The following LCT variants were observed in gnomAD, a reference collection of about 807,000 sequenced individuals.
The protein encoded by LCT is lactase/phlorizin hydrolase.
A neutral mutation model predicts 173.0 loss-of-function variants in LCT; 90 were observed. The observed-to-expected ratio is 0.52, with a 90% CI of 0.44 to 0.62. The LOEUF (loss-of-function observed/expected upper bound fraction) is 0.62, where lower values mean the gene tolerates loss of function less well. Among genes scored for constraint, LCT ranks in the 20% least tolerant of loss-of-function variants. LCT has a pLI of 0.00. For missense variants in LCT, 1,864 were observed against 2,431.4 expected (o/e 0.77, Z 4.91); for synonymous variants, 853 against 957.6 (o/e 0.89, Z 2.02).
At chr2:135,794,516 C>T in intron 14 of LCT, 125 bp downstream of exon 14, 1 of 1,056,466 alleles carries the variant, frequency 9.5e-7, no homozygotes. Context: ...GAGCATCTTG[C>T]AAACCCCGGC....
intron 14 of LCT, among the ~76,000 whole-genome samples, chr2:135,791,379 G>T (rs2077532127): frequency 6.6e-6 from 1 of 152,216 alleles, no homozygotes; most frequent in East Asian, 1.9e-4. Flanking sequence ...CAGCAGACAG[G>T]CTGGCACCTC....
At chr2:135,805,804 G>A (rs941384445) in intron 9 of LCT, among the ~76,000 whole-genome samples, 9 of 152,132 alleles carry the variant, frequency 5.9e-5, no homozygotes, top group African/African-American at 1.4e-4. Context: ...CCATCATAAC[G>A]TTGTAGAGCA....
chr2:135,823,352 T>C (rs2077853386), intron 4 of LCT, among the ~76,000 whole-genome samples: 1 of 152,202 alleles, frequency 6.6e-6, no homozygotes. Flanking sequence ...AGCCTCCTGA[T>C]CCATGGCCAA....
chr2:135,792,929 C>T (rs2077544079), intron 14 of LCT, among the ~76,000 whole-genome samples: 1 of 152,212 alleles, frequency 6.6e-6, no homozygotes, highest in African/African-American at 2.4e-5. Context: ...TCTACTACCG[C>T]AGCTGGTGGC....
intron 6 of LCT, among the ~76,000 whole-genome samples, 198 bp from the exon 7 acceptor site, chr2:135,813,154 C>T (rs574882359): frequency 2.6e-5 from 4 of 152,280 alleles, no homozygotes; most frequent in African/African-American, 9.6e-5. Flanking sequence ...TTGACACTAA[C>T]ATCAATGATG....
rs1374814336 is a variant in LCT at position 135,798,143 on chromosome 2, G to A, written c.4867-5C>T. On this transcript the variant is annotated splice_region_variant and splice_polypyrimidine_tract_variant and intron_variant, in intron 12 of 16. Transcript: ENST00000264162. ...TGCAAACCAGCCTCCCATGAACTGC[G>A]GGTAGGGTGGGGGAGACAGCCCAGG... is the stretch of plus-strand genomic sequence containing the variant. 11 of 1,487,538 alleles carry A rather than the reference G, an allele frequency of 7.4e-6. No homozygotes were observed. The highest frequency in any genetic ancestry group is 5.5e-5 in the African/African-American group (4 of 73,034). The allele number at this position is 1,487,538 out of a possible 1,614,324, so 92.1% of individuals were successfully genotyped here.
At chr2:135,810,147 A>G in intron 7 of LCT, 154 bp from the exon 8 acceptor site, 1 of 622,890 alleles carries the variant, frequency 1.6e-6, no homozygotes, top group Non-Finnish European at 2.9e-6. Context: ...CTAGTGCACC[A>G]TTATTTTATT....
rs1331856739 is a variant in LCT at position 135,817,675 on chromosome 2, G to A, written c.1373C>T (p.Ser458Phe). 6.2e-7 allele frequency: 1 copy of A among 1,613,948 alleles called. No individual in the cohort carries two copies. ...CCCGTGCCCCATGGGGAAGATCCGG[G>A]ACCAGGAGATGGAGAACTTGTACAC... ...AQVYKFSISWSRIFPMGHGSS... is the reference protein window; with the variant it reads ...AQVYKFSISWFRIFPMGHGSS... The change falls in exon 6 of 17, where the codon TCC (serine) becomes TTC (phenylalanine). Residue 458 changes from serine (S) to phenylalanine (F), a missense_variant. By Grantham distance (155) the Ser-to-Phe change is radical. Around this residue, in one of 4 missense-constraint regions of LCT, gnomAD observed 183 missense variants for 293.1 expected, o/e 0.62. Coordinates refer to ENST00000264162, the MANE Select transcript of LCT (RefSeq NM_002299.4).
rs1206847512 is a variant in LCT at position 135,817,403 on chromosome 2, C to T, written c.1645G>A (p.Ala549Thr). 6.8e-6 allele frequency: 11 copies of T among 1,614,048 alleles called. No homozygotes were observed. The highest frequency in any genetic ancestry group is 1.7e-5 in the Admixed American group (1 of 59,996). Reference sequence around the variant, plus strand: ...GGGTGCTGGCCGGTGCCATAGCCTGCGTAGCTCATCACCCACGGCTCATGG... The same window carrying T: ...GGGTGCTGGCCGGTGCCATAGCCTGTGTAGCTCATCACCCACGGCTCATGG... The part of the protein sequence containing the change: ...TFHEPWVMSY[A>T]GYGTGQHPPG... Residue 549 changes from alanine to threonine, a missense_variant, in exon 6 of 17, where the codon GCA (alanine) becomes ACA (threonine). Physicochemically the swap from Ala to Thr is moderately conservative, Grantham distance 58. Transcript: ENST00000264162.
rs114525655 is a variant in LCT at position 135,836,716 on chromosome 2, C to G, written c.454G>C (p.Ala152Pro). ...RRTEAFADLFADYATFAFHSF... is the reference protein window; with the variant it reads ...RRTEAFADLFPDYATFAFHSF... The stretch of plus-strand genomic sequence containing the variant: ...TGGAAGGCGAATGTGGCATAGTCGG[C>G]GAAGAGGTCAGCAAAGGCTTCGGTT... The change falls in exon 1 of 17, where the codon GCC becomes CCC. Residue 152 changes from alanine (A) to proline (P), a missense_variant. By Grantham distance (27) the Ala-to-Pro change is conservative. Coordinates refer to ENST00000264162, the MANE Select transcript of LCT (RefSeq NM_002299.4). 6 of 1,614,100 alleles carry G rather than the reference C, an allele frequency of 3.7e-6. No homozygotes were observed. The highest frequency in any genetic ancestry group is 5.1e-6 in the Non-Finnish European group (6 of 1,180,016).
intron 9 of LCT, 128 bp from the exon 10 acceptor site, chr2:135,805,185 A>T: frequency 1.1e-6 from 1 of 927,040 alleles, no homozygotes; most frequent in Non-Finnish European, 1.7e-6. Context: ...TAAAACAAGC[A>T]CATTGGTCCA....
intron 12 of LCT, 35 bp downstream of exon 12, chr2:135,800,572 A>G (rs1290201695): frequency 2.0e-6 from 3 of 1,522,644 alleles, no homozygotes; most frequent in Non-Finnish European, 1.8e-6. Context: ...AAAGATGGAC[A>G]AGAGTAAGAA....
At position 135,833,134 on chromosome 2, in the gene LCT, G is replaced by A; in HGVS notation, c.697C>T (p.Pro233Ser). 6.2e-7 allele frequency: 1 copy of A among 1,614,006 alleles called. No individual in the cohort carries two copies. Among genetic ancestry groups the A allele is most frequent in the South Asian group, 1.1e-5 (1 of 91,086 alleles). ...AEDIPELLLE[P>S]PISALAQDTV... ...ACCTGGGCAAGCGCAGATATGGGTG[G>A]TTCTAGCAGGAGCTCCGGGATATCT... The change falls in exon 2 of 17, where the codon CCA (proline) becomes TCA (serine). Residue 233 changes from proline (P) to serine (S), a missense_variant. By Grantham distance (74) the Pro-to-Ser change is moderately conservative. Coordinates refer to ENST00000264162, the MANE Select transcript of LCT (RefSeq NM_002299.4).
At chr2:135,794,810 G>A in intron 13 of LCT, 35 bp from the exon 14 acceptor site, 1 of 1,613,578 alleles carries the variant, frequency 6.2e-7, no homozygotes, top group Non-Finnish European at 8.5e-7. Flanking sequence ...CAGGGCTTCA[G>A]GGAGAGCCAT....
intron 7 of LCT, 144 bp from the exon 8 acceptor site, chr2:135,810,137 C>T (rs1055668408): frequency 1.6e-6 from 1 of 641,124 alleles, no homozygotes; most frequent in Non-Finnish European, 2.8e-6. Flanking sequence ...CAGGAGTGAG[C>T]TAGTGCACCA....
intron 13 of LCT, among the ~76,000 whole-genome samples, chr2:135,797,747 G>A (rs2077594346): frequency 6.6e-6 from 1 of 152,178 alleles, no homozygotes; most frequent in Non-Finnish European, 1.5e-5. Context: ...TGATGAAATA[G>A]GATAGGATGA....
intron 11 of LCT, 131 bp from the exon 12 acceptor site, chr2:135,800,940 GA>G: frequency 1.4e-6 from 1 of 734,776 alleles, no homozygotes; most frequent in Non-Finnish European, 2.4e-6. Flanking sequence ...AGGAAAACTG[GA>G]ATTCAAACCC....
chr2:135,836,887 G>A lies in LCT; in HGVS notation c.283C>T (p.Gln95Ter). 6.2e-7 allele frequency: 1 copy of A among 1,614,198 alleles called. No homozygotes were observed. Among genetic ancestry groups the A allele is most frequent in the Non-Finnish European group, 8.5e-7 (1 of 1,180,032 alleles). The change falls in exon 1 of 17, where the codon CAG (glutamine) becomes TAG (stop). Residue 95 changes from glutamine to a stop codon, truncating the protein, a stop_gained. Coordinates refer to ENST00000264162, the MANE Select transcript of LCT (RefSeq NM_002299.4). LOFTEE classifies it high-confidence loss of function. ...TGGGTGCTTCCTGCTGGGAGGAGCT[G>A]TGCCCATGACAGAAATACCTTATAA... is the stretch of plus-strand genomic sequence containing the variant. ...THYKVFLSWA[Q>*]LLPAGSTQNP... is the part of the protein sequence containing the mutation.
In LCT at chr2:135,817,727, C is replaced by A. The variant is rs769057785; in HGVS notation, c.1321G>T (p.Ala441Ser). Reference sequence around the variant, plus strand: ...TGAGCCCGGAGGCCGCAAAGCAGGGCGACGTCAGAGGCTACCTTGTGGTAA... The same window carrying A: ...TGAGCCCGGAGGCCGCAAAGCAGGGAGACGTCAGAGGCTACCTTGTGGTAA... ...DSYHKVASDV[A>S]LLCGLRAQVY... The change falls in exon 6 of 17, where the codon GCC becomes TCC. Residue 441 changes from alanine (A) to serine (S), a missense_variant. Ala to Ser is a moderately conservative substitution (Grantham distance 99). Coordinates refer to ENST00000264162, the MANE Select transcript of LCT (RefSeq NM_002299.4). The A allele has an allele frequency of 1.2e-6, 2 of 1,613,900 alleles. No individual in the cohort carries two copies. Among genetic ancestry groups the A allele is most frequent in the Non-Finnish European group, 1.7e-6 (2 of 1,180,044 alleles).
Sources: allele counts gnomAD v4.1 joint callset (sites outside exome capture counted in the v4.1 genomes callset), GRCh38; gene constraint gnomAD v4.1.1; regional missense constraint gnomAD v4.1.1; transcripts MANE v1.5; gene names NCBI Gene and HGNC (gene_info 2026-07-23, HGNC 2026-07-21).